Variants in MYLK3 observed in about 807,000 individuals in gnomAD.
The protein encoded by MYLK3 is MLC kinase.
Under a neutral mutation model 76.3 loss-of-function variants are expected in MYLK3, and 55 were observed. That is an observed-to-expected ratio of 0.72 (90% CI 0.58 to 0.90). The LOEUF (loss-of-function observed/expected upper bound fraction) is 0.90, where lower values mean the gene tolerates loss of function less well. Among genes scored for constraint, MYLK3 ranks in the 40% least tolerant of loss-of-function variants. The probability of loss-of-function intolerance (pLI) is 0.00; values close to 1 mark genes in which losing one functional copy is unlikely to be tolerated. For missense variants in MYLK3, 973 were observed against 1,053.6 expected (o/e 0.92, Z 1.06); for synonymous variants, 416 against 425.4 (o/e 0.98, Z 0.27).
chr16:46,725,822 A>C (rs950631056), intron 8 of MYLK3: 1 of 152,218 alleles, frequency 6.6e-6, no homozygotes, highest in Non-Finnish European at 1.5e-5. Flanking sequence ...TTTTGGAAGA[A>C]TTTGTAAAGG....
At chr16:46,740,794 C>T (rs1966919237) in intron 1 of MYLK3, among the ~76,000 whole-genome samples, 1 of 152,124 alleles carries the variant, frequency 6.6e-6, no homozygotes. Context: ...TCAAGCTACT[C>T]TCCCTCCTCA....
intron 12 of MYLK3, 102 bp downstream of exon 12, chr16:46,709,437 A>T: frequency 7.4e-7 from 1 of 1,346,596 alleles, no homozygotes; most frequent in Middle Eastern, 2.2e-4. Context: ...ACAAACCCAA[A>T]AAGAAGAAAA....
chr16:46,731,138 T>A (rs1966851763), intron 4 of MYLK3, among the ~76,000 whole-genome samples: 2 of 152,130 alleles, frequency 1.3e-5, no homozygotes, highest in South Asian at 4.1e-4. Flanking sequence ...GAAATAAACA[T>A]CCACCCTCTC....
rs1255303838 is a variant in MYLK3 at position 46,705,854 on chromosome 16, G to A, written c.*1850C>T. The A allele has an allele frequency of 1.3e-5, 2 of 151,860 alleles. No homozygotes were observed. Among genetic ancestry groups the A allele is most frequent in the Non-Finnish European group, 2.9e-5 (2 of 68,050 alleles). The allele number at this position is 151,860 out of a possible 1,614,324, so 9.4% of individuals were successfully genotyped here. A position where few individuals can be genotyped will look rare whatever the true frequency, so the allele number is the denominator to read the frequency against. ...ATACAAAAATTAGCTGGGTGTAGTA[G>A]CGGGCACCTATGGTCCCAGGTACTC... On this transcript the variant is annotated 3_prime_UTR_variant, in exon 13 of 13. Coordinates refer to ENST00000394809, the MANE Select transcript of MYLK3 (RefSeq NM_182493.3).
intron 7 of MYLK3, 59 bp from the exon 8 acceptor site, chr16:46,727,436 C>T: frequency 6.5e-7 from 1 of 1,545,420 alleles, no homozygotes; most frequent in East Asian, 2.3e-5. Context: ...AGGGCTTGTC[C>T]ACTGTCATTA....
At chr16:46,760,836 AC>A (rs1410116633) in intron 1 of MYLK3, among the ~76,000 whole-genome samples, 3 of 152,140 alleles carry the variant, frequency 2.0e-5, no homozygotes, top group Non-Finnish European at 2.9e-5. Context: ...TGACACAGAC[AC>A]CGAGCAGGGT....
chr16:46,755,742 C>T (rs1413054059), intron 1 of MYLK3, among the ~76,000 whole-genome samples: 1 of 152,058 alleles, frequency 6.6e-6, no homozygotes, highest in African/African-American at 2.4e-5. Flanking sequence ...AATAATAACA[C>T]ATACCCTCAT....
intron 1 of MYLK3, 42 bp from the exon 2 acceptor site, chr16:46,740,189 A>T: frequency 6.5e-7 from 1 of 1,529,694 alleles, no homozygotes; most frequent in Non-Finnish European, 9.1e-7. Context: ...TATCATCAAC[A>T]TTGCCATTCA....
At position 46,702,391 on chromosome 16, in the gene MYLK3, C is replaced by T. The variant is rs556234944; in HGVS notation, c.*5313G>A. ...AGGACAGTATAATGAAACCCATACA[C>T]ATCACCTAGACCCAAGTTATTAGAT... On this transcript the variant is annotated 3_prime_UTR_variant, in exon 13 of 13. Transcript: ENST00000394809. Among the ~76,000 whole-genome samples the T allele has an allele frequency of 3.3e-5, 5 of 152,272 alleles. No individual in the cohort carries two copies. In the South Asian group the frequency reaches 1.0e-3, roughly 32 times the overall value.
At chr16:46,752,993 T>C (rs1354080093), upstream of MYLK3, among the ~76,000 whole-genome samples, 1 of 152,164 alleles carries the variant, frequency 6.6e-6, no homozygotes, top group Non-Finnish European at 1.5e-5. Context: ...AGAAAATAAA[T>C]ACCCACCCGC....
chr16:46,730,021 CAG>C (rs1253542137), intron 5 of MYLK3: 4 of 430,904 alleles, frequency 9.3e-6, no homozygotes, highest in Non-Finnish European at 1.7e-5. Context: ...CCACACCACC[CAG>C]GCCATCCTGC....
intron 4 of MYLK3, among the ~76,000 whole-genome samples, chr16:46,731,955 A>T (rs1369927391): frequency 6.6e-6 from 1 of 152,034 alleles, no homozygotes. Context: ...CCTGTCTCCA[A>T]AAAAGGAAAT....
intron 9 of MYLK3, among the ~76,000 whole-genome samples, chr16:46,713,184 T>C (rs941130165): frequency 1.4e-5 from 2 of 145,486 alleles, no homozygotes; most frequent in African/African-American, 2.5e-5. Flanking sequence ...TATATATTTA[T>C]GGTATATATG....
At chr16:46,737,652 T>C in intron 3 of MYLK3, 59 bp downstream of exon 3, 1 of 1,497,802 alleles carries the variant, frequency 6.7e-7, no homozygotes, top group Non-Finnish European at 9.0e-7. Context: ...ACGGCCGAGC[T>C]CCAGCGAGGG....
intron 11 of MYLK3, 127 bp from the exon 12 acceptor site, chr16:46,709,798 G>T (rs1966664760): frequency 4.5e-6 from 5 of 1,111,378 alleles, no homozygotes; most frequent in Non-Finnish European, 6.3e-6. Flanking sequence ...TTCATGCCAT[G>T]TACCAAAAAG....
intron 3 of MYLK3, among the ~76,000 whole-genome samples, chr16:46,735,201 C>CTATT (rs1020530047): frequency 6.6e-5 from 10 of 151,858 alleles, no homozygotes; most frequent in East Asian, 5.8e-4. Flanking sequence ...GTTTTTACCC[C>CTATT]TATTTATTTA....
intron 9 of MYLK3, among the ~76,000 whole-genome samples, chr16:46,719,104 G>A (rs964500636): frequency 1.3e-4 from 19 of 151,428 alleles, no homozygotes; most frequent in Non-Finnish European, 2.2e-4. Flanking sequence ...CCAGGCAGGC[G>A]GATCACGACG....
In MYLK3 at chr16:46,738,126, C is replaced by T. The variant is rs780736850; in HGVS notation, c.586G>A (p.Val196Met). 1.6e-5 allele frequency: 25 copies of T among 1,545,696 alleles called. No individual in the cohort carries two copies. The highest frequency in any genetic ancestry group is 9.5e-5 in the Admixed American group (5 of 52,900). ...EPGEESQKAD[V>M]LEGTAERLPP... ...AGCCTCTCCGCTGTCCCCTCCAGCA[C>T]GTCCGCCTTCTGGCTCTCTACAGGA... The change falls in exon 3 of 13, where the codon GTG becomes ATG. Residue 196 changes from valine to methionine, a missense_variant. Physicochemically the swap from Val to Met is conservative, Grantham distance 21 (BLOSUM62 1). Around this residue, in one of 2 missense-constraint regions of MYLK3, gnomAD observed 641 missense variants for 637.0 expected, o/e 1.01. Transcript: ENST00000394809.
intron 12 of MYLK3, among the ~76,000 whole-genome samples, chr16:46,709,161 C>A (rs1966656716): frequency 6.6e-6 from 1 of 152,158 alleles, no homozygotes; most frequent in Non-Finnish European, 1.5e-5. Flanking sequence ...GTGGCTCATG[C>A]CTGTAATGCC....
Sources: allele counts gnomAD v4.1 joint callset (sites outside exome capture counted in the v4.1 genomes callset), GRCh38; gene constraint gnomAD v4.1.1; regional missense constraint gnomAD v4.1.1; transcripts MANE v1.5; gene names NCBI Gene and HGNC (gene_info 2026-07-23, HGNC 2026-07-21).